PHLPP2: variants seen among roughly 807,000 people sequenced by gnomAD.
The protein encoded by PHLPP2 is PH domain leucine-rich repeat-containing protein phosphatase 2.
A neutral mutation model predicts 124.9 loss-of-function variants in PHLPP2; 66 were observed. The observed-to-expected ratio is 0.53, with a 90% CI of 0.43 to 0.65. PHLPP2 has a LOEUF of 0.65. PHLPP2 is among the 30% of genes least tolerant of loss of function. The pLI, the probability that PHLPP2 is intolerant of heterozygous loss-of-function variation, is 0.00. For synonymous variants in PHLPP2, 681 were observed against 624.7 expected (o/e 1.09, Z -1.34); for missense variants, 1,685 against 1,600.4 (o/e 1.05, Z -0.90).
At chr16:71,697,170 C>G (rs960576376) in intron 3 of PHLPP2, among the ~76,000 whole-genome samples, 2 of 122,452 alleles carry the variant, frequency 1.6e-5, no homozygotes, top group African/African-American at 3.2e-5. Context: ...AAGACTCTGT[C>G]TCAATAAATA....
rs138193971 is a variant in PHLPP2, at chr16:71,649,647, G to C, written c.3215C>G (p.Ser1072Cys). 279 of 1,614,214 alleles carry C rather than the reference G, an allele frequency of 1.7e-4. 1 individual carries two copies. The African/African-American group carries it at 3.2e-3, about 18-fold the overall frequency. Residue 1072 changes from serine (S) to cysteine (C), a missense_variant, in exon 19 of 19, where the codon TCT (serine) becomes TGT (cysteine). By Grantham distance (112) the Ser-to-Cys change is moderately radical (BLOSUM62 -1). Coordinates refer to ENST00000568954, the MANE Select transcript of PHLPP2 (RefSeq NM_015020.3). ...GAACTCAGAGGCAATCCCACTGCTA[G>C]AGGATGGAGTGGCTGGCTTAGGGGC... The part of the protein sequence containing the change: ...KDAPKPATPS[S>C]SSGIASEFSS...
chr16:71,661,178 T>C (rs935739850), intron 13 of PHLPP2, among the ~76,000 whole-genome samples: 3 of 151,698 alleles, frequency 2.0e-5, no homozygotes, highest in African/African-American at 7.3e-5. Flanking sequence ...GCGATTCTCA[T>C]GCCTTGGCCT....
At chr16:71,723,541 A>T (rs1339679203) in intron 1 of PHLPP2, 2 of 185,938 alleles carry the variant, frequency 1.1e-5, no homozygotes, top group Non-Finnish European at 2.2e-5. Flanking sequence ...GATGGGCAGC[A>T]GCGGGGTACC....
intron 13 of PHLPP2, among the ~76,000 whole-genome samples, chr16:71,663,031 C>T (rs2044805656): frequency 6.6e-6 from 1 of 152,164 alleles, no homozygotes; most frequent in Non-Finnish European, 1.5e-5. Context: ...AGCCTAGCCC[C>T]ATCCCCAGGC....
At position 71,695,905 on chromosome 16, in the gene PHLPP2, G is replaced by C. The variant is rs183784368; in HGVS notation, c.419-5196C>G. Among the ~76,000 whole-genome samples the C allele has an allele frequency of 2.4e-4, 37 of 152,182 alleles. 1 individual carries two copies. Among genetic ancestry groups the C allele is most frequent in the Admixed American group, 9.2e-4 (14 of 15,284 alleles). ...TAATCAAGTTGGAAAATTCTGAACA[G>C]ATATACACCAAATTGATGGTGGTTA... On this transcript the variant is annotated intron_variant, in intron 3 of 18. Coordinates refer to ENST00000568954, the MANE Select transcript of PHLPP2 (RefSeq NM_015020.3).
chr16:71,700,969 T>C (rs1222296987), intron 3 of PHLPP2, among the ~76,000 whole-genome samples: 1 of 152,192 alleles, frequency 6.6e-6, no homozygotes, highest in Non-Finnish European at 1.5e-5. Context: ...GCCACTATGT[T>C]GTGAAGACGC....
intron 16 of PHLPP2, 69 bp from the exon 17 acceptor site, chr16:71,655,503 C>CTTTT (rs1224203746): frequency 2.1e-5 from 17 of 795,518 alleles, no homozygotes; most frequent in Non-Finnish European, 2.8e-5. Context: ...AGGGAGCATT[C>CTTTT]TTTTTTTTTT....
chr16:71,667,528 T>C (rs2044850064), intron 11 of PHLPP2, among the ~76,000 whole-genome samples, 195 bp from the exon 12 acceptor site: 1 of 152,134 alleles, frequency 6.6e-6, no homozygotes, highest in Non-Finnish European at 1.5e-5. Context: ...CAGGAAGTCA[T>C]TAAGGTCATT....
intron 4 of PHLPP2, among the ~76,000 whole-genome samples, chr16:71,688,159 A>G (rs895057553): frequency 6.6e-6 from 1 of 152,198 alleles, no homozygotes; most frequent in African/African-American, 2.4e-5. Flanking sequence ...AAGCTCTTTA[A>G]AAGTCTATCC....
In PHLPP2 at chr16:71,652,966, G is replaced by A. The variant is rs867036634; in HGVS notation, c.2641C>T (p.Arg881Cys). Residue 881 changes from arginine to cysteine, a missense_variant, in exon 18 of 19, where the codon CGC becomes TGC. Coordinates refer to ENST00000568954, the MANE Select transcript of PHLPP2 (RefSeq NM_015020.3). The stretch of plus-strand genomic sequence containing the variant: ...CTTGCTGGATCGGCAGTGTCAGGGC[G>A]GATGTAGCACAGGAGAGCGGAGGAG... ...LGSSALLCYI[R>C]PDTADPASSF... The A allele has an allele frequency of 1.5e-5, 25 of 1,613,852 alleles. No individual in the cohort carries two copies. The highest frequency in any genetic ancestry group is 2.2e-5 in the East Asian group (1 of 44,888).
intron 1 of PHLPP2, among the ~76,000 whole-genome samples, chr16:71,717,571 A>G (rs1424777406): frequency 1.3e-5 from 2 of 152,254 alleles, no homozygotes; most frequent in South Asian, 2.1e-4. Flanking sequence ...CATAGGGACC[A>G]TCGTATTTGT....
chr16:71,663,444 T>A (rs906045971), intron 13 of PHLPP2, among the ~76,000 whole-genome samples: 1 of 152,212 alleles, frequency 6.6e-6, no homozygotes, highest in Non-Finnish European at 1.5e-5. Context: ...GCACTGCAAC[T>A]GCCCATCCAC....
chr16:71,665,352 G>T (rs1271839184), intron 12 of PHLPP2, among the ~76,000 whole-genome samples: 2 of 152,104 alleles, frequency 1.3e-5, no homozygotes, highest in Non-Finnish European at 2.9e-5. Flanking sequence ...TATTAAGAAT[G>T]CCAGTTTGTC....
At chr16:71,663,568 A>C (rs1052618904) in intron 13 of PHLPP2, among the ~76,000 whole-genome samples, 6 of 152,276 alleles carry the variant, frequency 3.9e-5, no homozygotes, top group Non-Finnish European at 5.9e-5. Context: ...AATAGATAAC[A>C]GTATTTTACA....
At chr16:71,657,075 T>G (rs1440101513) in intron 15 of PHLPP2, among the ~76,000 whole-genome samples, 2 of 152,168 alleles carry the variant, frequency 1.3e-5, no homozygotes, top group Non-Finnish European at 2.9e-5. Context: ...CCCAAGTAGC[T>G]GGGATTACAG....
intron 9 of PHLPP2, 115 bp downstream of exon 9, chr16:71,676,332 G>A (rs1453885702): frequency 9.7e-6 from 7 of 724,376 alleles, no homozygotes; most frequent in Non-Finnish European, 1.6e-5. Flanking sequence ...TTGCCTCAAT[G>A]AGCCACAAAC....
At chr16:71,682,927 G>A (rs7187948) in intron 5 of PHLPP2, among the ~76,000 whole-genome samples, 2 of 152,126 alleles carry the variant, frequency 1.3e-5, no homozygotes, top group Admixed American at 1.3e-4. Context: ...ATCCAGCACT[G>A]TGGGAGGCCA....
chr16:71,679,285 T>G, intron 7 of PHLPP2, 104 bp downstream of exon 7: 50 of 1,008,626 alleles, frequency 5.0e-5, no homozygotes, highest in Non-Finnish European at 7.0e-5. Context: ...AAGTAGTACA[T>G]GATATAGTTC....
At chr16:71,662,401 G>C (rs2044800008) in intron 13 of PHLPP2, among the ~76,000 whole-genome samples, 1 of 151,778 alleles carries the variant, frequency 6.6e-6, no homozygotes, top group African/African-American at 2.4e-5. Flanking sequence ...CAGCACTCCA[G>C]CCTGGCCAAC....
Sources: allele counts gnomAD v4.1 joint callset (sites outside exome capture counted in the v4.1 genomes callset), GRCh38; gene constraint gnomAD v4.1.1; transcripts MANE v1.5; gene names NCBI Gene and HGNC (gene_info 2026-07-23, HGNC 2026-07-21).